Variants in KIF26B observed in about 807,000 individuals in gnomAD.
The protein encoded by KIF26B is kinesin family member 26B, also known as kinesin-like protein KIF26B.
In KIF26B, 63 loss-of-function variants were observed where a neutral mutation model predicts 151.2. That is an observed-to-expected ratio of 0.42 (90% confidence interval 0.34 to 0.51). KIF26B has a LOEUF of 0.51. Among genes scored for constraint, KIF26B ranks in the 20% least tolerant of loss-of-function variants. The pLI, the probability that KIF26B is intolerant of heterozygous loss-of-function variation, is 0.07. For synonymous variants in KIF26B, 1,357 were observed against 1,262.1 expected, an observed-to-expected ratio of 1.08 and a Z score of -1.59; for missense variants, 2,813 against 2,913.6, an observed-to-expected ratio of 0.97 and a Z score of 0.79.
chr1:245,680,405 T>G (rs1236632910), intron 10 of KIF26B, among the ~76,000 whole-genome samples: 1 of 152,192 alleles, frequency 6.6e-6, no homozygotes, highest in Non-Finnish European at 1.5e-5. Flanking sequence ...TGCCGCTGCT[T>G]CTTTCCACAA....
chr1:245,156,065 C>G (rs1007423203), intron 1 of KIF26B, among the ~76,000 whole-genome samples: 1 of 152,176 alleles, frequency 6.6e-6, no homozygotes, highest in African/African-American at 2.4e-5. Flanking sequence ...AGGAGGCCAC[C>G]GGGGACCAGC....
At chr1:245,589,681 T>C (rs950663476) in intron 5 of KIF26B, among the ~76,000 whole-genome samples, 1 of 152,218 alleles carries the variant, frequency 6.6e-6, no homozygotes, top group African/African-American at 2.4e-5. Context: ...AACTAGGTTG[T>C]TGATTACGGT....
chr1:245,592,344 A>G (rs529853639), intron 5 of KIF26B, among the ~76,000 whole-genome samples: 2 of 152,346 alleles, frequency 1.3e-5, no homozygotes, highest in South Asian at 2.1e-4. Flanking sequence ...CAAGATGCTC[A>G]TGGAGGGAAG....
At chr1:245,368,535 G>A (rs966562025) in intron 3 of KIF26B, among the ~76,000 whole-genome samples, 2 of 152,052 alleles carry the variant, frequency 1.3e-5, no homozygotes, top group African/African-American at 4.8e-5. Flanking sequence ...TGTCATGGTG[G>A]GTGTTTGGTA....
At chr1:245,444,894 G>A (rs1035259140) in intron 4 of KIF26B, among the ~76,000 whole-genome samples, 8 of 152,120 alleles carry the variant, frequency 5.3e-5, no homozygotes, top group Admixed American at 3.3e-4. Flanking sequence ...CAATAGCCAC[G>A]TGTAAAAAAA....
intron 2 of KIF26B, among the ~76,000 whole-genome samples, chr1:245,194,329 A>C (rs1669157403): frequency 6.6e-6 from 1 of 152,210 alleles, no homozygotes; most frequent in Non-Finnish European, 1.5e-5. Context: ...AGCACGGTGC[A>C]TGGGGTTAGA....
At chr1:245,660,094 G>A (rs998254080) in intron 10 of KIF26B, among the ~76,000 whole-genome samples, 1 of 151,608 alleles carries the variant, frequency 6.6e-6, no homozygotes, top group African/African-American at 2.4e-5. Flanking sequence ...TTTTTTCTAT[G>A]GCAATAATAA....
At chr1:245,438,542 T>C (rs187760384) in intron 4 of KIF26B, among the ~76,000 whole-genome samples, 5 of 152,284 alleles carry the variant, frequency 3.3e-5, no homozygotes, top group Admixed American at 2.6e-4. Context: ...TCTAGGTATA[T>C]ACCAAAGAAA....
At chr1:245,247,473 A>G (rs939309201) in intron 2 of KIF26B, among the ~76,000 whole-genome samples, 3 of 152,128 alleles carry the variant, frequency 2.0e-5, no homozygotes, top group African/African-American at 7.2e-5. Flanking sequence ...AAATAAAAAT[A>G]AAATTTGAGA....
At chr1:245,224,752 ATAT>A (rs953599767) in intron 2 of KIF26B, among the ~76,000 whole-genome samples, 18 of 152,208 alleles carry the variant, frequency 1.2e-4, no homozygotes, top group African/African-American at 4.3e-4. Context: ...CCTGTGTAGG[ATAT>A]TATACAGTTA....
At position 245,302,988 on chromosome 1, in the gene KIF26B, CAAAA is replaced by C. The variant is rs74163037; in HGVS notation, c.466-63824_466-63821del. 1.0e-3 allele frequency among the ~76,000 whole-genome samples: 36 copies of C among 35,824 alleles called. No homozygotes were observed. The East Asian group carries it at 0.018, about 17-fold the overall frequency. 23.5% of individuals were successfully genotyped at this position (35,824 alleles called of 152,430 possible). On this transcript the variant is annotated intron_variant, in intron 2 of 14. Coordinates refer to ENST00000407071, the MANE Select transcript of KIF26B (RefSeq NM_018012.4). ...TGGGCAATAGAGCAAGACTCTGTCT[CAAAA>C]AAAAAAAAAAAAAAAAAAAAAGAAA...
rs149986090 is a variant in KIF26B, at chr1:245,358,115, A to G, written c.466-8719A>G. On this transcript the variant is annotated intron_variant, in intron 2 of 14. Transcript: ENST00000407071. This position sits in a 1 kb window ranked among gnomAD's most constrained non-coding sequence, Gnocchi z 4.1. ...TATTTTTTGTAGTTGGGATTTCACC[A>G]TGTTGCCCAGGCTGGTCTCGAACTT... 1.7e-3 allele frequency among the ~76,000 whole-genome samples: 257 copies of G among 152,126 alleles called. 2 individuals are homozygous for G. In the East Asian group the frequency reaches 0.048, roughly 28 times the overall value.
chr1:245,611,837 T>C lies in KIF26B; in HGVS notation c.1959T>C (p.Ala653=). The C allele has an allele frequency of 6.2e-7, 1 of 1,613,526 alleles. No individual in the cohort carries two copies. Among genetic ancestry groups the C allele is most frequent in the Non-Finnish European group, 8.5e-7 (1 of 1,179,790 alleles). ...TGCGGGCCCCCACCGCAGAGAAGGC[T>C]GCCTTTTTCCTGGATGCCGCCATTG... ...SELRAPTAEK[A]AFFLDAAIAS... is the part of the protein sequence containing the mutation. Residue 653 remains alanine (A), a synonymous_variant, in exon 9 of 15, where the codon GCT becomes GCC. Coordinates refer to ENST00000407071, the MANE Select transcript of KIF26B (RefSeq NM_018012.4).
chr1:245,636,349 CGT>C (rs569157321), intron 9 of KIF26B, among the ~76,000 whole-genome samples: 1,855 of 110,370 alleles, frequency 0.017, 32 homozygotes, highest in African/African-American at 0.069. Context: ...CATTATAGAA[CGT>C]TTTTTTTTTT....
intron 2 of KIF26B, among the ~76,000 whole-genome samples, chr1:245,232,223 C>T (rs550452415): frequency 8.3e-4 from 127 of 152,218 alleles, no homozygotes; most frequent in Middle Eastern, 3.4e-3. Flanking sequence ...CAGCTCTAGA[C>T]GCCAAATTTG....
At chr1:245,339,754 T>C (rs1334309794) in intron 2 of KIF26B, among the ~76,000 whole-genome samples, 2 of 152,252 alleles carry the variant, frequency 1.3e-5, no homozygotes, top group African/African-American at 4.8e-5. Context: ...CATATCAAAG[T>C]AGCTGTTGCA....
At chr1:245,212,758 C>T (rs1573711620) in intron 2 of KIF26B, among the ~76,000 whole-genome samples, 1 of 152,370 alleles carries the variant, frequency 6.6e-6, no homozygotes, top group East Asian at 1.9e-4. Context: ...GTGCTCGAAC[C>T]GCCCCACTTT....
At chr1:245,503,406 C>G (rs1487268021) in intron 4 of KIF26B, among the ~76,000 whole-genome samples, 1 of 152,182 alleles carries the variant, frequency 6.6e-6, no homozygotes, top group East Asian at 1.9e-4. Flanking sequence ...AAGATATTGG[C>G]ATGTCCCAAA....
intron 2 of KIF26B, among the ~76,000 whole-genome samples, chr1:245,175,040 G>C (rs1668779028): frequency 6.6e-6 from 1 of 152,158 alleles, no homozygotes. Context: ...CTAACTGGGA[G>C]TTTCTCCTGG....
Sources: gnomAD v4.1 joint callset for allele counts (sites outside exome capture counted in the v4.1 genomes callset) on GRCh38, gnomAD v4.1.1 for gene constraint, Gnocchi (gnomAD v3.1) non-coding constraint, MANE v1.5 for transcripts, NCBI Gene and HGNC (gene_info 2026-07-23, HGNC 2026-07-21) for gene names.